DDX47: variants seen among roughly 807,000 people sequenced by gnomAD.
DDX47 encodes the protein DEAD-box helicase 47, also known as probable ATP-dependent RNA helicase DDX47.
A neutral mutation model predicts 58.8 loss-of-function variants in DDX47; 60 were observed. The observed-to-expected ratio is 1.02, with a 90% CI of 0.83 to 1.26. The LOEUF (loss-of-function observed/expected upper bound fraction) is 1.26. DDX47 is among the 50% of genes most tolerant of loss of function. The probability of loss-of-function intolerance (pLI) is 0.00; values close to 1 mark genes in which losing one functional copy is unlikely to be tolerated. For missense variants in DDX47, 530 were observed against 573.2 expected (o/e 0.92, Z 0.77); for synonymous variants, 197 against 204.6 (o/e 0.96, Z 0.32).
chr12:12,824,160 T>C, intron 8 of DDX47, 144 bp downstream of exon 8: 2 of 1,007,714 alleles, frequency 2.0e-6, no homozygotes, highest in East Asian at 4.9e-5. Flanking sequence ...GAAGTGTTGC[T>C]CTAGATACTT....
At chr12:12,822,782 A>C in intron 6 of DDX47, 50 bp downstream of exon 6, 1 of 1,451,006 alleles carries the variant, frequency 6.9e-7, no homozygotes, top group Non-Finnish European at 9.7e-7. Flanking sequence ...TTGATACATA[A>C]AGTAAATAGT....
chr12:12,818,319 A>G (rs1448706143), intron 2 of DDX47, among the ~76,000 whole-genome samples: 1 of 152,170 alleles, frequency 6.6e-6, no homozygotes, highest in African/African-American at 2.4e-5. Flanking sequence ...CAGGAGATCG[A>G]GACCATCCCA....
Position 12,813,380 on chromosome 12 carries a change from G to A in DDX47, c.13G>A (p.Glu5Lys), listed in dbSNP as rs138450211. 1.2e-4 allele frequency: 192 copies of A among 1,613,428 alleles called. 1 individual carries two copies. In the Middle Eastern group the frequency reaches 2.0e-3, roughly 17 times the overall value. Residue 5 changes from glutamate (E) to lysine (K), a missense_variant, in exon 1 of 12, where the codon GAG (glutamate) becomes AAG (lysine). Glu to Lys is a moderately conservative substitution (Grantham distance 56). Coordinates refer to ENST00000358007, the MANE Select transcript of DDX47 (RefSeq NM_016355.4). MAAPEEHDSPTEASQ... is the reference protein window; with the variant it reads MAAPKEHDSPTEASQ... ...GACCTCACACAAGATGGCGGCACCC[G>A]AGGAACACGATTCTCCGACCGAAGC...
chr12:12,824,899 ATAGAAGGGGC>A, intron 9 of DDX47: 1 of 447,880 alleles, frequency 2.2e-6, no homozygotes, highest in African/African-American at 2.0e-5. Context: ...TTAGATGCTC[ATAGAAGGGGC>A]TGGTGCGCCA....
intron 11 of DDX47, among the ~76,000 whole-genome samples, 179 bp from the exon 12 acceptor site, chr12:12,829,244 C>T (rs538127048): frequency 3.3e-5 from 5 of 152,258 alleles, no homozygotes; most frequent in South Asian, 2.1e-4. Flanking sequence ...TTAGTGTTCA[C>T]GTTTTGATTA....
intron 2 of DDX47, among the ~76,000 whole-genome samples, chr12:12,816,132 G>A (rs1592320898): frequency 6.6e-6 from 1 of 152,130 alleles, no homozygotes; most frequent in Non-Finnish European, 1.5e-5. Context: ...AAAAGGAACG[G>A]GGGAAAAATG....
intron 8 of DDX47, 86 bp from the exon 9 acceptor site, chr12:12,824,454 C>A (rs1863020816): frequency 6.8e-7 from 1 of 1,462,354 alleles, no homozygotes; most frequent in South Asian, 1.3e-5. Context: ...AAATTTATGT[C>A]TGTTTGTTCT....
At chr12:12,814,325 G>A (rs1265804873) in intron 2 of DDX47, 101 bp downstream of exon 2, 2 of 774,148 alleles carry the variant, frequency 2.6e-6, no homozygotes, top group Non-Finnish European at 4.6e-6. Flanking sequence ...ATAAGGATAT[G>A]GTCACTAAAG....
rs145684455 is a variant in DDX47 at position 12,813,414 on chromosome 12, C to G, written c.47C>G (p.Pro16Arg). The G allele has an allele frequency of 6.2e-7, 1 of 1,613,320 alleles. No individual in the cohort carries two copies. Among genetic ancestry groups the G allele is most frequent in the Non-Finnish European group, 8.5e-7 (1 of 1,179,716 alleles). ...EHDSPTEASQ[P>R]IVEEEETKTF... ...GATTCTCCGACCGAAGCGTCCCAGC[C>G]GATTGTGGAAGAGGAGGAAACTAAA... The change falls in exon 1 of 12, where the codon CCG becomes CGG. Residue 16 changes from proline (P) to arginine (R), a missense_variant. Pro to Arg is a moderately radical substitution (Grantham distance 103). Coordinates refer to ENST00000358007, the MANE Select transcript of DDX47 (RefSeq NM_016355.4).
Position 12,829,942 on chromosome 12 carries a change from CTAA to C in DDX47, c.*390_*392del, listed in dbSNP as rs767167412. Reference sequence around the variant, plus strand: ...CATCTTGGCTTGTGCTTTATTCAAACTAATGTGAAACAATAAATTTAAATATTA... The same window carrying C: ...CATCTTGGCTTGTGCTTTATTCAAACTGTGAAACAATAAATTTAAATATTA... On this transcript the variant is annotated 3_prime_UTR_variant, in exon 12 of 12. Transcript: ENST00000358007. 54 of 155,622 alleles carry C rather than the reference CTAA, an allele frequency of 3.5e-4. No homozygotes were observed. Among genetic ancestry groups the C allele is most frequent in the South Asian group, 1.4e-3 (7 of 4,854 alleles). 9.6% of individuals were successfully genotyped at this position (155,622 alleles called of 1,614,324 possible).
rs372563378 is a variant in DDX47, at chr12:12,814,120, T to C, written c.88-11T>C. The C allele has an allele frequency of 9.4e-6, 15 of 1,603,776 alleles. No homozygotes were observed. Among genetic ancestry groups the C allele is most frequent in the African/African-American group, 1.3e-5 (1 of 74,728 alleles). ...TGTTCTTGGCTAAGGTATATTTTTC[T>C]GAATTCCAAGGGTGTGACAGATGTG... On this transcript the variant is annotated splice_polypyrimidine_tract_variant and intron_variant, in intron 1 of 11. Transcript: ENST00000358007.
chr12:12,816,785 T>G (rs1439349178), intron 2 of DDX47, among the ~76,000 whole-genome samples: 1 of 152,298 alleles, frequency 6.6e-6, no homozygotes, highest in African/African-American at 2.4e-5. Context: ...TAAAGGCCAG[T>G]GGTGGGAAAG....
At position 12,829,728 on chromosome 12, in the gene DDX47, C is replaced by A; in HGVS notation, c.*174C>A. On this transcript the variant is annotated 3_prime_UTR_variant, in exon 12 of 12. Transcript: ENST00000358007. ...GGAGTTTACTGCAGAGTAATTCTTA[C>A]AGTGCTGATGTCAAGACTGTTACTG... 1.4e-6 allele frequency: 1 copy of A among 709,980 alleles called. No individual in the cohort carries two copies. Among genetic ancestry groups the A allele is most frequent in the Non-Finnish European group, 2.2e-6 (1 of 447,934 alleles). 44.0% of individuals were successfully genotyped at this position (709,980 alleles called of 1,614,324 possible).
chr12:12,823,448 G>A, intron 7 of DDX47, 129 bp downstream of exon 7: 2 of 674,154 alleles, frequency 3.0e-6, no homozygotes, highest in Non-Finnish European at 5.3e-6. Context: ...GCTTTAGAGT[G>A]CATATCGTGC....
chr12:12,817,499 G>C (rs979243270), intron 2 of DDX47, among the ~76,000 whole-genome samples: 12 of 152,142 alleles, frequency 7.9e-5, no homozygotes, highest in Admixed American at 2.0e-4. Flanking sequence ...GATTGCTTGA[G>C]ACCAGGAGTT....
At chr12:12,824,342 C>G in intron 8 of DDX47, 198 bp from the exon 9 acceptor site, 1 of 588,790 alleles carries the variant, frequency 1.7e-6, no homozygotes. Context: ...TCAAACTACC[C>G]TTATTTTGTA....
At chr12:12,824,219 T>G (rs916019678) in intron 8 of DDX47, 2 of 649,078 alleles carry the variant, frequency 3.1e-6, no homozygotes, top group African/African-American at 1.8e-5. Context: ...ATATTTCATA[T>G]GTACCTGTCT....
rs147868527 is a variant in DDX47, at chr12:12,822,695, G to A, written c.596G>A (p.Arg199Gln). The A allele has an allele frequency of 1.6e-5, 26 of 1,613,920 alleles. No individual in the cohort carries two copies. The highest frequency in any genetic ancestry group is 6.6e-5 in the South Asian group (6 of 91,068). The change falls in exon 6 of 12, where the codon CGG becomes CAG. Residue 199 changes from arginine (R) to glutamine (Q), a missense_variant. Arg to Gln is a conservative substitution (Grantham distance 43). Coordinates refer to ENST00000358007, the MANE Select transcript of DDX47 (RefSeq NM_016355.4). ...ATCCTCAAAGTGATTCCTCGAGATC[G>A]GAAAACATTCCTCTTCTCTGCCACC... ...DKILKVIPRDRKTFLFSATMT... is the reference protein window; with the variant it reads ...DKILKVIPRDQKTFLFSATMT...
At chr12:12,816,451 G>A (rs1258748047) in intron 2 of DDX47, among the ~76,000 whole-genome samples, 1 of 152,094 alleles carries the variant, frequency 6.6e-6, no homozygotes, top group Non-Finnish European at 1.5e-5. Context: ...ACTTTGCATT[G>A]TATACCATAA....
Sources: allele counts gnomAD v4.1 joint callset (sites outside exome capture counted in the v4.1 genomes callset), GRCh38; gene constraint gnomAD v4.1.1; transcripts MANE v1.5; gene names NCBI Gene and HGNC (gene_info 2026-07-23, HGNC 2026-07-21).